The following SPATA18 variants were observed in gnomAD, a reference collection of about 807,000 sequenced individuals.
The protein encoded by SPATA18 is spermatogenesis associated 18.
Under a neutral mutation model 68.1 loss-of-function variants are expected in SPATA18, and 54 were observed. The observed-to-expected ratio is 0.79, with a 90% CI of 0.64 to 0.99. SPATA18 has a LOEUF of 0.99. Ranked by LOEUF, SPATA18 falls within the 50% of genes least tolerant of loss-of-function variation. The pLI is 0.00. For missense variants in SPATA18, 724 were observed against 681.1 expected (o/e 1.06, Z -0.70); for synonymous variants, 242 against 244.8 (o/e 0.99, Z 0.11).
At chr4:52,069,611 A>T (rs1739618748) in intron 4 of SPATA18, among the ~76,000 whole-genome samples, 1 of 152,208 alleles carries the variant, frequency 6.6e-6, no homozygotes, top group African/African-American at 2.4e-5. Context: ...CTAGTGTTTG[A>T]CATTGAGCAA....
chr4:52,077,407 G>A (rs1390062340), intron 7 of SPATA18, among the ~76,000 whole-genome samples: 1 of 95,216 alleles, frequency 1.1e-5, no homozygotes, highest in Admixed American at 1.3e-4. Flanking sequence ...TTCCTCCATT[G>A]TTTCCTTCCT....
At position 52,078,789 on chromosome 4, in the gene SPATA18, A is replaced by G. The variant is rs775746168; in HGVS notation, c.1075A>G (p.Lys359Glu). 6.2e-7 allele frequency: 1 copy of G among 1,606,736 alleles called. No homozygotes were observed. The highest frequency in any genetic ancestry group is 1.1e-5 in the South Asian group (1 of 90,510). Residue 359 changes from lysine to glutamate, a missense_variant, in exon 8 of 13, where the codon AAA (lysine) becomes GAA (glutamate). Physicochemically the swap from Lys to Glu is moderately conservative, Grantham distance 56 (BLOSUM62 1). Coordinates refer to ENST00000295213, the MANE Select transcript of SPATA18 (RefSeq NM_145263.4). ...CAGACACTTCAAGATCCATGTGAGA[A>G]AATCGTTGACACCATCTTATGTGGG... ...AFRHFKIHVR[K>E]SLTPSYVGSN...
intron 3 of SPATA18, among the ~76,000 whole-genome samples, chr4:52,061,491 AAT>A (rs1489273144): frequency 4.8e-5 from 3 of 61,956 alleles, no homozygotes; most frequent in Non-Finnish European, 7.8e-5. Context: ...AAGTAAAAAT[AAT>A]AATAATAATA....
intron 1 of SPATA18, among the ~76,000 whole-genome samples, chr4:52,053,546 TCTC>T (rs1418184011): frequency 1.3e-5 from 2 of 152,190 alleles, no homozygotes; most frequent in African/African-American, 4.8e-5. Flanking sequence ...AGCTCTCACT[TCTC>T]CAACTGCCCA....
rs377744790 is a variant in SPATA18, at chr4:52,083,510, G to A, written c.1479+1000G>A. 1.4e-5 allele frequency: 14 copies of A among 981,298 alleles called. 1 individual carries two copies. The East Asian group carries it at 5.7e-4, about 40-fold the overall frequency. 60.8% of individuals were successfully genotyped at this position (981,298 alleles called of 1,614,324 possible). A position where few individuals can be genotyped will look rare whatever the true frequency, so the allele number is the denominator to read the frequency against. Reference sequence around the variant, plus strand: ...CACACCTGTAATCCTAGCACTTTGGGAAGCCAAGGCAGGAGGATTGTTTGA... The same window carrying A: ...CACACCTGTAATCCTAGCACTTTGGAAAGCCAAGGCAGGAGGATTGTTTGA... On this transcript the variant is annotated intron_variant, in intron 10 of 12. Transcript: ENST00000295213.
intron 4 of SPATA18, among the ~76,000 whole-genome samples, chr4:52,069,429 C>T (rs532685565): frequency 2.6e-4 from 39 of 152,152 alleles, no homozygotes; most frequent in South Asian, 1.5e-3. Context: ...CAATAAAAAT[C>T]GATGTTGGTA....
intron 11 of SPATA18, among the ~76,000 whole-genome samples, chr4:52,092,267 A>G (rs953990183): frequency 6.6e-5 from 10 of 152,016 alleles, no homozygotes; most frequent in Admixed American, 1.3e-4. Context: ...GGAGAAAAAA[A>G]AAAAAGCCCC....
chr4:52,073,588 A>C (rs1036828003), intron 6 of SPATA18, among the ~76,000 whole-genome samples: 1 of 152,194 alleles, frequency 6.6e-6, no homozygotes, highest in African/African-American at 2.4e-5. Flanking sequence ...CCTGAGCAAC[A>C]TGGCAAGAAC....
chr4:52,066,946 T>C (rs1739368040), intron 4 of SPATA18, among the ~76,000 whole-genome samples: 1 of 152,222 alleles, frequency 6.6e-6, no homozygotes, highest in Non-Finnish European at 1.5e-5. Context: ...CTATTGTGAA[T>C]AGTGCTACAG....
In SPATA18 at chr4:52,096,533, A is replaced by T. The variant is rs1331705177; in HGVS notation, c.*1646A>T. The T allele has an allele frequency of 2.0e-5, 3 of 152,176 alleles. No individual in the cohort carries two copies. The highest frequency in any genetic ancestry group is 1.9e-4 in the East Asian group (1 of 5,196). 9.4% of individuals were successfully genotyped at this position (152,176 alleles called of 1,614,324 possible). ...GTGAACATAGTACCCTAACTATAATATAAAGCAGAAAAAAAGGCAACTTTT... is the reference window on the plus strand; with the variant it reads ...GTGAACATAGTACCCTAACTATAATTTAAAGCAGAAAAAAAGGCAACTTTT... On this transcript the variant is annotated 3_prime_UTR_variant, in exon 13 of 13. Transcript: ENST00000295213.
chr4:52,076,449 G>A (rs979895014), intron 6 of SPATA18, among the ~76,000 whole-genome samples: 1 of 152,172 alleles, frequency 6.6e-6, no homozygotes, highest in African/African-American at 2.4e-5. Flanking sequence ...GTGATGCAAA[G>A]TTCCATTAAT....
intron 1 of SPATA18, among the ~76,000 whole-genome samples, chr4:52,058,723 A>G (rs1469983558): frequency 6.6e-6 from 1 of 152,064 alleles, no homozygotes; most frequent in African/African-American, 2.4e-5. Flanking sequence ...CCAGTCCTCC[A>G]TGTACTCCCA....
At chr4:52,091,107 A>C (rs1741906985) in intron 11 of SPATA18, among the ~76,000 whole-genome samples, 1 of 151,658 alleles carries the variant, frequency 6.6e-6, no homozygotes, top group Admixed American at 6.6e-5. Flanking sequence ...TGTATTCCTC[A>C]CGAAGTTCTT....
chr4:52,070,828 G>A (rs1319259542), intron 5 of SPATA18, among the ~76,000 whole-genome samples: 1 of 151,750 alleles, frequency 6.6e-6, no homozygotes, highest in Non-Finnish European at 1.5e-5. Context: ...AAAAAAATAA[G>A]GTTATACCTT....
In SPATA18 at chr4:52,078,750, G is replaced by T; in HGVS notation, c.1036G>T (p.Ala346Ser). The T allele has an allele frequency of 6.3e-7, 1 of 1,581,138 alleles. No homozygotes were observed. Among genetic ancestry groups the T allele is most frequent in the South Asian group, 1.1e-5 (1 of 88,468 alleles). The change falls in exon 8 of 13, where the codon GCA becomes TCA. Residue 346 changes from alanine (A) to serine (S), a missense_variant. Ala to Ser is a moderately conservative substitution (Grantham distance 99, BLOSUM62 1). Transcript: ENST00000295213. ...YIATVEAFHV[A>S]KMAFRHFKIH... ...TTATGTGCAGGAGGCATTCCATGTA[G>T]CAAAAATGGCATTCAGACACTTCAA...
chr4:52,060,330 G>A, intron 1 of SPATA18, 89 bp from the exon 2 acceptor site: 1 of 983,688 alleles, frequency 1.0e-6, no homozygotes, highest in Non-Finnish European at 1.5e-6. Context: ...GAGCCAGGCA[G>A]CTCGTGGGTC....
chr4:52,061,520 T>TAATAAC (rs1207752522), intron 3 of SPATA18, among the ~76,000 whole-genome samples: 1 of 142,844 alleles, frequency 7.0e-6, no homozygotes, highest in Non-Finnish European at 1.5e-5. Flanking sequence ...ATAATAATAA[T>TAATAAC]AACAGAAAGA....
At chr4:52,083,444 T>G in intron 10 of SPATA18, 1 of 985,468 alleles carries the variant, frequency 1.0e-6, no homozygotes, top group Non-Finnish European at 1.2e-6. Flanking sequence ...TTAAAATGTT[T>G]TGTTCCATAA....
At chr4:52,087,634 T>A (rs537457945) in intron 11 of SPATA18, among the ~76,000 whole-genome samples, 3 of 152,316 alleles carry the variant, frequency 2.0e-5, no homozygotes, top group Admixed American at 6.5e-5. Context: ...TCTATATATC[T>A]GTTTTTGTAC....
Sources: allele counts gnomAD v4.1 joint callset (sites outside exome capture counted in the v4.1 genomes callset), GRCh38; gene constraint gnomAD v4.1.1; transcripts MANE v1.5; gene names NCBI Gene and HGNC (gene_info 2026-07-23, HGNC 2026-07-21).